Variants in SPRED1 observed in about 807,000 individuals in gnomAD.
SPRED1 encodes the protein sprouty related EVH1 domain containing 1, also known as sprouty-related, EVH1 domain-containing protein 1.
In SPRED1, 18 loss-of-function variants were observed where a neutral mutation model predicts 52.3. That is an observed-to-expected ratio of 0.34 (90% CI 0.24 to 0.51). The LOEUF is 0.51. Ranked by LOEUF, SPRED1 falls within the 20% of genes least tolerant of loss-of-function variation. The probability of loss-of-function intolerance (pLI) is 0.97; values close to 1 mark genes in which losing one functional copy is unlikely to be tolerated. For missense variants in SPRED1, 485 were observed against 551.0 expected, an observed-to-expected ratio of 0.88 and a Z score of 1.20; for synonymous variants, 155 against 179.7, an observed-to-expected ratio of 0.86 and a Z score of 1.10.
At chr15:38,271,908 C>T (rs1031887621) in intron 1 of SPRED1, among the ~76,000 whole-genome samples, 3 of 152,134 alleles carry the variant, frequency 2.0e-5, no homozygotes, top group East Asian at 1.9e-4. Context: ...TTCCCTCCCT[C>T]CTTCCTGCCA....
intron 1 of SPRED1, among the ~76,000 whole-genome samples, chr15:38,278,274 G>T (rs1894603496): frequency 6.6e-6 from 1 of 152,130 alleles, no homozygotes; most frequent in Admixed American, 6.5e-5. Flanking sequence ...TTGAGCCCAG[G>T]AGTTTGAGAC....
intron 1 of SPRED1, among the ~76,000 whole-genome samples, chr15:38,264,726 C>A (rs1894271503): frequency 2.0e-5 from 3 of 151,782 alleles, no homozygotes; most frequent in Non-Finnish European, 4.4e-5. Flanking sequence ...CCTCTGCAAT[C>A]AAGAGAGACA....
chr15:38,256,831 A>G (rs1457427961), intron 1 of SPRED1, among the ~76,000 whole-genome samples: 1 of 152,134 alleles, frequency 6.6e-6, no homozygotes, highest in East Asian at 1.9e-4. Flanking sequence ...ACATATATAT[A>G]TATATAAAAT....
intron 1 of SPRED1, among the ~76,000 whole-genome samples, chr15:38,295,912 T>C (rs1895027065): frequency 1.6e-5 from 1 of 61,140 alleles, no homozygotes; most frequent in South Asian, 7.9e-4. Context: ...TTATGGTCAC[T>C]ATCTGCCTTC....
rs192712134 is a variant in SPRED1, at chr15:38,297,575, C to A, written c.33-1798C>A. The stretch of plus-strand genomic sequence containing the variant: ...TGAATAACTAAATAATAAAAAGCTT[C>A]CACAAAAGAGTAAATTATGAAGCCA... On this transcript the variant is annotated intron_variant, in intron 1 of 6. Coordinates refer to ENST00000299084, the MANE Select transcript of SPRED1 (RefSeq NM_152594.3). Among the ~76,000 whole-genome samples the A allele has an allele frequency of 3.3e-5, 5 of 152,232 alleles. No homozygotes were observed. The East Asian group carries it at 7.7e-4, about 23-fold the overall frequency.
chr15:38,262,458 A>G (rs1409079637), intron 1 of SPRED1, among the ~76,000 whole-genome samples: 1 of 152,226 alleles, frequency 6.6e-6, no homozygotes, highest in Non-Finnish European at 1.5e-5. Context: ...TCAGCCATGA[A>G]TGAGAGCATG....
intron 2 of SPRED1, among the ~76,000 whole-genome samples, chr15:38,316,266 G>A (rs181572123): frequency 6.6e-6 from 1 of 151,938 alleles, no homozygotes; most frequent in African/African-American, 2.4e-5. Flanking sequence ...AGTATTTTCA[G>A]TTTTCTTGAA....
chr15:38,310,762 G>T (rs139724160), intron 2 of SPRED1, among the ~76,000 whole-genome samples: 4 of 152,072 alleles, frequency 2.6e-5, no homozygotes, highest in African/African-American at 7.2e-5. Context: ...TTTAATTTTG[G>T]TTACTGCATG....
In SPRED1 at chr15:38,356,680, T is replaced by C. The variant is rs1888629389; in HGVS notation, c.*5016T>C. The C allele has an allele frequency of 6.6e-6, 1 of 152,156 alleles. No homozygotes were observed. The highest frequency in any genetic ancestry group is 1.5e-5 in the Non-Finnish European group (1 of 67,978). 9.4% of individuals were successfully genotyped at this position (152,156 alleles called of 1,614,324 possible). ...TCTAAGCTAATAATGTTATATTTAT[T>C]GGTTTGGTAACATGTTGCAGCTAAG... On this transcript the variant is annotated 3_prime_UTR_variant, in exon 7 of 7. Coordinates refer to ENST00000299084, the MANE Select transcript of SPRED1 (RefSeq NM_152594.3).
At chr15:38,338,488 A>C (rs1005718185) in intron 4 of SPRED1, among the ~76,000 whole-genome samples, 8 of 152,082 alleles carry the variant, frequency 5.3e-5, no homozygotes, top group African/African-American at 1.9e-4. Context: ...CATTTTTCCA[A>C]TGTTTTATCA....
intron 2 of SPRED1, among the ~76,000 whole-genome samples, chr15:38,313,136 C>G (rs1037631843): frequency 3.2e-4 from 48 of 151,954 alleles, no homozygotes; most frequent in African/African-American, 1.1e-3. Flanking sequence ...CAAGGATATT[C>G]TCTTACAAAA....
intron 1 of SPRED1, among the ~76,000 whole-genome samples, chr15:38,296,205 A>G (rs978281620): frequency 3.3e-5 from 5 of 152,126 alleles, no homozygotes; most frequent in Admixed American, 1.3e-4. Flanking sequence ...GGTAATCACA[A>G]AGCAAGATAG....
chr15:38,343,532 A>T (rs2177248), intron 5 of SPRED1, among the ~76,000 whole-genome samples: 1 of 151,508 alleles, frequency 6.6e-6, no homozygotes, highest in Non-Finnish European at 1.5e-5. Flanking sequence ...AACGAAATTG[A>T]AACTTGATTA....
chr15:38,325,171 C>T (rs1895690680), intron 4 of SPRED1, among the ~76,000 whole-genome samples: 1 of 152,002 alleles, frequency 6.6e-6, no homozygotes, highest in African/African-American at 2.4e-5. Flanking sequence ...CATGACACCT[C>T]AAGTAGAAAA....
At chr15:38,337,836 T>C (rs1027078196) in intron 4 of SPRED1, among the ~76,000 whole-genome samples, 1 of 151,900 alleles carries the variant, frequency 6.6e-6, no homozygotes, top group African/African-American at 2.4e-5. Flanking sequence ...CCACTGATAC[T>C]ACTCCTAAAA....
At position 38,312,864 on chromosome 15, in the gene SPRED1, G is replaced by A. The variant is rs1029066003; in HGVS notation, c.208-9377G>A. ...TTTTTCTTCCTAACATAGTTTATTT[G>A]TACTTTTTCTTTTTTTCTTGTCCAT... On this transcript the variant is annotated intron_variant, in intron 2 of 6. Coordinates refer to ENST00000299084, the MANE Select transcript of SPRED1 (RefSeq NM_152594.3). Among the ~76,000 whole-genome samples, 24 of 151,012 alleles carry A rather than the reference G, an allele frequency of 1.6e-4. 1 individual carries two copies. The highest frequency in any genetic ancestry group is 5.8e-4 in the African/African-American group (24 of 41,102).
At chr15:38,260,618 A>T (rs968267793) in intron 1 of SPRED1, among the ~76,000 whole-genome samples, 1 of 152,240 alleles carries the variant, frequency 6.6e-6, no homozygotes, top group African/African-American at 2.4e-5. Flanking sequence ...TTGCTAGAGC[A>T]TATATTTTAA....
intron 2 of SPRED1, among the ~76,000 whole-genome samples, chr15:38,318,007 T>C (rs1895524483): frequency 6.6e-6 from 1 of 152,030 alleles, no homozygotes; most frequent in Non-Finnish European, 1.5e-5. Context: ...TAAGAAAATA[T>C]TGTACATTGC....
In SPRED1 at chr15:38,352,166, T is replaced by C; in HGVS notation, c.*502T>C. On this transcript the variant is annotated 3_prime_UTR_variant, in exon 7 of 7. Transcript: ENST00000299084. ...AGCAGTTTTATGTATAAATAACAAA[T>C]GTTTATATTTAACTAAATGTAAGGT... The C allele has an allele frequency of 6.1e-6, 1 of 162,968 alleles. No homozygotes were observed. Among genetic ancestry groups the C allele is most frequent in the East Asian group, 1.8e-4 (1 of 5,486 alleles). 10.1% of individuals were successfully genotyped at this position (162,968 alleles called of 1,614,324 possible).
Sources: allele counts gnomAD v4.1 joint callset (sites outside exome capture counted in the v4.1 genomes callset), GRCh38; gene constraint gnomAD v4.1.1; transcripts MANE v1.5; gene names NCBI Gene and HGNC (gene_info 2026-07-23, HGNC 2026-07-21).